Variants in GRIK1 observed in about 807,000 individuals in gnomAD.
GRIK1 encodes the protein glutamate ionotropic receptor kainate type subunit 1.
GRIK1 carries 69 observed loss-of-function variants against 105.7 expected under a neutral mutation model. The observed-to-expected ratio is 0.65, with a 90% CI of 0.54 to 0.80. The LOEUF (loss-of-function observed/expected upper bound fraction) is 0.80. Among genes scored for constraint, GRIK1 ranks in the 30% least tolerant of loss-of-function variants. The pLI is 0.00. For synonymous variants in GRIK1, 438 were observed against 431.3 expected, an observed-to-expected ratio of 1.02 and a Z score of -0.19; for missense variants, 1,109 against 1,167.3, an observed-to-expected ratio of 0.95 and a Z score of 0.73.
At position 29,582,246 on chromosome 21, in the gene GRIK1, A is replaced by G. The variant is rs1014403661; in HGVS notation, c.1794-703T>C. ...TGGTACACATTAGTATTAACTACAT[A>G]GCATGCCTCACTGCAGAATTTCAAA... On this transcript the variant is annotated intron_variant, in intron 12 of 17. Coordinates refer to ENST00000327783, the MANE Select transcript of GRIK1 (RefSeq NM_001330994.2). 3 of 445,686 alleles carry G rather than the reference A, an allele frequency of 6.7e-6. No individual in the cohort carries two copies. In the East Asian group the frequency reaches 2.1e-4, roughly 31 times the overall value. The allele number at this position is 445,686 out of a possible 1,614,324, so 27.6% of individuals were successfully genotyped here. A position where few individuals can be genotyped will look rare whatever the true frequency, so the allele number is the denominator to read the frequency against.
At chr21:29,803,687 T>G (rs1396063998) in intron 1 of GRIK1, among the ~76,000 whole-genome samples, 2 of 152,076 alleles carry the variant, frequency 1.3e-5, no homozygotes, top group African/African-American at 4.8e-5. Context: ...TTCAGCTCTG[T>G]GCAAATCCAC....
At chr21:29,854,476 G>A (rs1440593802) in intron 1 of GRIK1, among the ~76,000 whole-genome samples, 2 of 151,982 alleles carry the variant, frequency 1.3e-5, no homozygotes, top group African/African-American at 4.8e-5. Context: ...AGGGAAGAGA[G>A]GCCTTGAAGA....
intron 4 of GRIK1, among the ~76,000 whole-genome samples, chr21:29,660,701 G>C (rs984968196): frequency 1.3e-5 from 2 of 152,106 alleles, no homozygotes; most frequent in Non-Finnish European, 2.9e-5. Flanking sequence ...TTGAAAAATA[G>C]GTATCTTGGA....
At chr21:29,652,185 G>A (rs1460606078) in intron 5 of GRIK1, among the ~76,000 whole-genome samples, 2 of 152,120 alleles carry the variant, frequency 1.3e-5, no homozygotes, top group Non-Finnish European at 2.9e-5. Flanking sequence ...AAGAAACTGA[G>A]GTTCTGAGTG....
At chr21:29,929,142 C>T (rs962004952) in intron 1 of GRIK1, among the ~76,000 whole-genome samples, 13 of 152,098 alleles carry the variant, frequency 8.5e-5, no homozygotes, top group Non-Finnish European at 1.3e-4. Flanking sequence ...GATCAGCAGA[C>T]GCACCCATTA....
intron 7 of GRIK1, among the ~76,000 whole-genome samples, chr21:29,606,581 A>T (rs1157598340): frequency 6.6e-6 from 1 of 152,140 alleles, no homozygotes; most frequent in Non-Finnish European, 1.5e-5. Flanking sequence ...TTAAAATTGG[A>T]AATGGTCCTA....
At chr21:29,677,306 T>C (rs2063288260) in intron 3 of GRIK1, among the ~76,000 whole-genome samples, 1 of 152,230 alleles carries the variant, frequency 6.6e-6, no homozygotes, top group South Asian at 2.1e-4. Context: ...TATAAAATCA[T>C]ATCATAAAAG....
intron 1 of GRIK1, among the ~76,000 whole-genome samples, chr21:29,928,969 C>A (rs1026765571): frequency 6.6e-6 from 1 of 152,308 alleles, no homozygotes; most frequent in Admixed American, 6.5e-5. Context: ...TTGATGTGTG[C>A]CAGTTAACAT....
At position 29,772,686 on chromosome 21, in the gene GRIK1, T is replaced by C. The variant is rs550355604; in HGVS notation, c.119-78623A>G. On this transcript the variant is annotated intron_variant, in intron 1 of 17. Transcript: ENST00000327783. ...AAACCAGTTTGTAAATTTGCGTATG[T>C]GAAACCCAAAAAAGAGATCCTTAAA... 1.0e-3 allele frequency among the ~76,000 whole-genome samples: 154 copies of C among 152,260 alleles called. 1 individual carries two copies. Among genetic ancestry groups the C allele is most frequent in the African/African-American group, 3.5e-3 (146 of 41,562 alleles).
At chr21:29,709,282 T>C (rs1486306535) in intron 1 of GRIK1, among the ~76,000 whole-genome samples, 6 of 148,212 alleles carry the variant, frequency 4.0e-5, no homozygotes, top group African/African-American at 1.5e-4. Context: ...CTTCTTCTTT[T>C]TTTTTTTTTT....
At chr21:29,699,323 T>C (rs1287944577) in intron 1 of GRIK1, among the ~76,000 whole-genome samples, 1 of 152,196 alleles carries the variant, frequency 6.6e-6, no homozygotes, top group East Asian at 1.9e-4. Context: ...TAGGTTGCAA[T>C]GAGGCGGCTA....
chr21:29,892,683 G>T (rs1569195845), intron 1 of GRIK1, among the ~76,000 whole-genome samples: 1 of 152,170 alleles, frequency 6.6e-6, no homozygotes, highest in Non-Finnish European at 1.5e-5. Flanking sequence ...TGGTCTCCAG[G>T]CTCCCTTAAG....
chr21:29,774,345 A>G (rs529550875), intron 1 of GRIK1, among the ~76,000 whole-genome samples: 2 of 152,112 alleles, frequency 1.3e-5, no homozygotes, highest in Admixed American at 1.3e-4. Context: ...CAAGATGCAG[A>G]TTTATTATGA....
intron 16 of GRIK1, among the ~76,000 whole-genome samples, chr21:29,540,278 G>A (rs1164623994): frequency 1.3e-5 from 2 of 152,162 alleles, no homozygotes; most frequent in Non-Finnish European, 2.9e-5. Flanking sequence ...CTAACTCCAA[G>A]TATTTATTTC....
intron 1 of GRIK1, among the ~76,000 whole-genome samples, chr21:29,844,465 T>G (rs1351125790): frequency 6.6e-6 from 1 of 152,200 alleles, no homozygotes; most frequent in Non-Finnish European, 1.5e-5. Flanking sequence ...ACATTTAATT[T>G]TAGATGAATT....
chr21:29,934,484 A>C (rs917800729), intron 1 of GRIK1, among the ~76,000 whole-genome samples: 2 of 152,088 alleles, frequency 1.3e-5, no homozygotes, highest in African/African-American at 4.8e-5. Flanking sequence ...TTTCAAGTTC[A>C]TGTTAGGACA....
chr21:29,755,515 G>A (rs939611465), intron 1 of GRIK1, among the ~76,000 whole-genome samples: 1 of 152,338 alleles, frequency 6.6e-6, no homozygotes, highest in African/African-American at 2.4e-5. Flanking sequence ...TGAGGCATGA[G>A]GTTTAAATTG....
At chr21:29,752,531 A>G (rs890319866) in intron 1 of GRIK1, among the ~76,000 whole-genome samples, 2 of 152,194 alleles carry the variant, frequency 1.3e-5, no homozygotes, top group Non-Finnish European at 2.9e-5. Flanking sequence ...AAGTAAATTC[A>G]AAGAAAAAAT....
chr21:29,683,954 TG>T (rs2063430885), intron 3 of GRIK1, among the ~76,000 whole-genome samples: 1 of 152,236 alleles, frequency 6.6e-6, no homozygotes, highest in Non-Finnish European at 1.5e-5. Flanking sequence ...CTACATGATT[TG>T]TTTTTTATCC....
Sources: allele counts gnomAD v4.1 joint callset (sites outside exome capture counted in the v4.1 genomes callset), GRCh38; gene constraint gnomAD v4.1.1; transcripts MANE v1.5; gene names NCBI Gene and HGNC (gene_info 2026-07-23, HGNC 2026-07-21).